Variants in F13A1 observed in about 807,000 individuals in gnomAD.
F13A1 encodes the protein FSF, A subunit.
F13A1 carries 47 observed loss-of-function variants against 80.1 expected under a neutral mutation model. The ratio of observed to expected loss-of-function variants is 0.59; its 90% confidence interval spans 0.46 to 0.75. F13A1 has a LOEUF of 0.75. Among genes scored for constraint, F13A1 ranks in the 30% least tolerant of loss-of-function variants. The pLI is 0.00. For synonymous variants in F13A1, 349 were observed against 344.9 expected, an observed-to-expected ratio of 1.01 and a Z score of -0.13; for missense variants, 817 against 930.4, an observed-to-expected ratio of 0.88 and a Z score of 1.59.
At chr6:6,191,835 G>A (rs1183515807) in intron 10 of F13A1, among the ~76,000 whole-genome samples, 4 of 152,194 alleles carry the variant, frequency 2.6e-5, no homozygotes, top group South Asian at 2.1e-4. Context: ...TCAGCAATGC[G>A]GTTACAAGAG....
intron 8 of F13A1, among the ~76,000 whole-genome samples, chr6:6,210,380 T>C (rs1399687155): frequency 1.4e-5 from 2 of 146,820 alleles, no homozygotes; most frequent in Non-Finnish European, 3.0e-5. Flanking sequence ...AGTCTTGCTC[T>C]GTCGCCCAGG....
At chr6:6,220,132 G>T (rs1188061568) in intron 8 of F13A1, among the ~76,000 whole-genome samples, 1 of 152,196 alleles carries the variant, frequency 6.6e-6, no homozygotes, top group African/African-American at 2.4e-5. Flanking sequence ...GTCCTGAGTT[G>T]TGCTGGTCTC....
chr6:6,152,049 T>A, intron 13 of F13A1, 100 bp from the exon 14 acceptor site: 1 of 1,481,386 alleles, frequency 6.8e-7, no homozygotes, highest in Non-Finnish European at 9.2e-7. Context: ...TATGATACAG[T>A]TATTTTTTTG....
intron 11 of F13A1, 71 bp from the exon 12 acceptor site, chr6:6,174,938 C>T: frequency 1.3e-6 from 2 of 1,561,704 alleles, no homozygotes; most frequent in Non-Finnish European, 1.8e-6. Flanking sequence ...TTAATGGATG[C>T]ACCGTGTACT....
intron 10 of F13A1, among the ~76,000 whole-genome samples, chr6:6,191,136 G>T (rs570276423): frequency 6.6e-6 from 1 of 152,346 alleles, no homozygotes; most frequent in African/African-American, 2.4e-5. Flanking sequence ...GCACTCCCTA[G>T]TGAGATGAAC....
chr6:6,300,526 T>C (rs1463840035), intron 3 of F13A1, among the ~76,000 whole-genome samples: 1 of 152,194 alleles, frequency 6.6e-6, no homozygotes, highest in African/African-American at 2.4e-5. Context: ...CCGTCACCCC[T>C]TTCTTTGACT....
intron 3 of F13A1, among the ~76,000 whole-genome samples, chr6:6,286,737 G>T (rs1247825235): frequency 6.6e-6 from 1 of 152,172 alleles, no homozygotes; most frequent in African/African-American, 2.4e-5. Flanking sequence ...CAGACAGGCC[G>T]GGATGAAAGT....
intron 8 of F13A1, among the ~76,000 whole-genome samples, chr6:6,202,637 C>G (rs913236159): frequency 6.6e-6 from 1 of 152,144 alleles, no homozygotes; most frequent in African/African-American, 2.4e-5. Context: ...CTCCTTGTTG[C>G]CTCTTTCTAT....
At chr6:6,277,892 T>C (rs1349620699) in intron 3 of F13A1, among the ~76,000 whole-genome samples, 6 of 152,232 alleles carry the variant, frequency 3.9e-5, no homozygotes, top group East Asian at 1.9e-4. Context: ...CTGTGGAATA[T>C]GTATATTTGG....
At chr6:6,271,363 C>T (rs1218311183) in intron 3 of F13A1, among the ~76,000 whole-genome samples, 1 of 152,166 alleles carries the variant, frequency 6.6e-6, no homozygotes, top group Non-Finnish European at 1.5e-5. Flanking sequence ...GGTTACGAGA[C>T]CACAATCCAG....
At chr6:6,300,774 T>G (rs1484921034) in intron 3 of F13A1, among the ~76,000 whole-genome samples, 2 of 152,114 alleles carry the variant, frequency 1.3e-5, no homozygotes, top group Non-Finnish European at 2.9e-5. Flanking sequence ...CCCCCCGAGA[T>G]TCTTTTAAGT....
intron 3 of F13A1, among the ~76,000 whole-genome samples, chr6:6,297,533 A>G (rs576418219): frequency 0.019 from 2,687 of 142,812 alleles, 45 homozygotes; most frequent in African/African-American, 0.063. Context: ...GTTTATTTGC[A>G]TAGAGGTGTT....
chr6:6,160,170 G>C (rs1425181012), intron 13 of F13A1, among the ~76,000 whole-genome samples: 1 of 151,142 alleles, frequency 6.6e-6, no homozygotes, highest in Non-Finnish European at 1.5e-5. Context: ...CCAGCTACTT[G>C]GGAGACTGAG....
intron 6 of F13A1, among the ~76,000 whole-genome samples, chr6:6,226,256 T>C (rs1307243445): frequency 6.6e-6 from 1 of 152,158 alleles, no homozygotes; most frequent in Admixed American, 6.5e-5. Flanking sequence ...ATTACAATGG[T>C]GTGGAGCCTT....
chr6:6,248,468 C>T (rs767532212), intron 5 of F13A1, 49 bp from the exon 6 acceptor site: 2 of 1,427,852 alleles, frequency 1.4e-6, no homozygotes, highest in Non-Finnish European at 2.0e-6. Context: ...ACTCTGCAAG[C>T]AAAATATTCT....
At chr6:6,219,319 C>CCACCCT (rs1296728059) in intron 8 of F13A1, among the ~76,000 whole-genome samples, 7 of 151,624 alleles carry the variant, frequency 4.6e-5, no homozygotes, top group Non-Finnish European at 7.4e-5. Flanking sequence ...TGTTTAGCCT[C>CCACCCT]CACCCTCACC....
At chr6:6,292,525 A>AT (rs553635301) in intron 3 of F13A1, among the ~76,000 whole-genome samples, 2 of 152,164 alleles carry the variant, frequency 1.3e-5, no homozygotes, top group Non-Finnish European at 2.9e-5. Context: ...AATTACCCTG[A>AT]TTCCCTGAAG....
At chr6:6,251,947 A>C (rs186491859) in intron 4 of F13A1, among the ~76,000 whole-genome samples, 25 of 152,292 alleles carry the variant, frequency 1.6e-4, no homozygotes, top group Admixed American at 1.4e-3. Context: ...GGCGTGACTT[A>C]TGAAATATTT....
At chr6:6,284,308 A>G (rs1375582320) in intron 3 of F13A1, among the ~76,000 whole-genome samples, 1 of 152,254 alleles carries the variant, frequency 6.6e-6, no homozygotes. Context: ...AATGATGGAA[A>G]TGATGGAAGT....
Sources: gnomAD v4.1 joint callset for allele counts (sites outside exome capture counted in the v4.1 genomes callset) on GRCh38, gnomAD v4.1.1 for gene constraint, MANE v1.5 for transcripts, NCBI Gene and HGNC (gene_info 2026-07-23, HGNC 2026-07-21) for gene names.